PHACTR1: variants seen among roughly 807,000 people sequenced by gnomAD.
The protein encoded by PHACTR1 is phosphatase and actin regulator 1, also known as RPEL repeat containing 1.
Under a neutral mutation model 69.2 loss-of-function variants are expected in PHACTR1, and 16 were observed. The ratio of observed to expected loss-of-function variants is 0.23; its 90% CI spans 0.16 to 0.35. The LOEUF (loss-of-function observed/expected upper bound fraction) is 0.35, where lower values mean the gene tolerates loss of function less well. Among genes scored for constraint, PHACTR1 ranks in the 10% least tolerant of loss-of-function variants. The pLI is 1.00. For missense variants in PHACTR1, 510 were observed against 734.7 expected (o/e 0.69, Z 3.54); for synonymous variants, 312 against 284.5 (o/e 1.10, Z -0.97).
intron 5 of PHACTR1, among the ~76,000 whole-genome samples, chr6:13,115,505 C>T (rs1423057958): frequency 2.6e-5 from 4 of 152,070 alleles, no homozygotes; most frequent in South Asian, 2.1e-4. Flanking sequence ...TCTTACTTAG[C>T]ATTGGCCTGA....
intron 5 of PHACTR1, among the ~76,000 whole-genome samples, chr6:13,098,684 T>C (rs1814664557): frequency 6.6e-6 from 1 of 152,324 alleles, no homozygotes; most frequent in Non-Finnish European, 1.5e-5. Context: ...TCACTCAGAA[T>C]GAAAAAAGTA....
intron 4 of PHACTR1, among the ~76,000 whole-genome samples, chr6:12,873,245 G>A (rs1782230086): frequency 6.6e-6 from 1 of 152,062 alleles, no homozygotes; most frequent in South Asian, 2.1e-4. Flanking sequence ...TCGAACTCCT[G>A]GGCTCAAGTG....
At chr6:12,764,698 T>C (rs1768404549) in intron 4 of PHACTR1, among the ~76,000 whole-genome samples, 1 of 152,144 alleles carries the variant, frequency 6.6e-6, no homozygotes, top group African/African-American at 2.4e-5. Context: ...GGCTGTACAG[T>C]CAGGAGCAGA....
chr6:12,885,073 A>G (rs540498795), intron 4 of PHACTR1, among the ~76,000 whole-genome samples: 2 of 152,262 alleles, frequency 1.3e-5, no homozygotes, highest in South Asian at 4.2e-4. Context: ...ATCCCTCTTC[A>G]ACCCACTCAG....
chr6:13,277,739 G>C (rs1779223910), intron 11 of PHACTR1, among the ~76,000 whole-genome samples: 2 of 152,144 alleles, frequency 1.3e-5, no homozygotes, highest in African/African-American at 2.4e-5. Flanking sequence ...CTTGATGCCA[G>C]GAGTTCAAGA....
chr6:12,916,905 G>A (rs537231046), intron 4 of PHACTR1, among the ~76,000 whole-genome samples: 1 of 152,236 alleles, frequency 6.6e-6, no homozygotes, highest in Admixed American at 6.5e-5. Context: ...AGAATAAATT[G>A]TCAAAGTGAT....
At chr6:13,247,650 T>C (rs1469453380) in intron 10 of PHACTR1, among the ~76,000 whole-genome samples, 1 of 152,018 alleles carries the variant, frequency 6.6e-6, no homozygotes, top group African/African-American at 2.4e-5. Context: ...CCAGCCCAAG[T>C]TCCCTCTTAA....
At chr6:12,911,842 C>T (rs1035364470) in intron 4 of PHACTR1, among the ~76,000 whole-genome samples, 22 of 152,264 alleles carry the variant, frequency 1.4e-4, no homozygotes, top group African/African-American at 5.1e-4. Flanking sequence ...TCTTCTCCAC[C>T]ACCAACTGTG....
chr6:13,281,865 TA>T (rs1780331013), intron 12 of PHACTR1, among the ~76,000 whole-genome samples: 1 of 152,188 alleles, frequency 6.6e-6, no homozygotes, highest in African/African-American at 2.4e-5. Flanking sequence ...TTGTCGTGCC[TA>T]AGAAAGCCAA....
intron 4 of PHACTR1, among the ~76,000 whole-genome samples, chr6:12,831,972 G>A (rs990127770): frequency 1.3e-5 from 2 of 151,986 alleles, no homozygotes; most frequent in Non-Finnish European, 2.9e-5. Context: ...CAGGCTTGAC[G>A]GTACATCCAT....
intron 4 of PHACTR1, among the ~76,000 whole-genome samples, chr6:12,959,036 G>T (rs1445133930): frequency 2.0e-5 from 3 of 151,878 alleles, no homozygotes; most frequent in Admixed American, 6.6e-5. Flanking sequence ...AATTAGCTGG[G>T]TGTGGTGGCA....
At position 13,273,276 on chromosome 6, in the gene PHACTR1, C is replaced by T. The variant is rs570620542; in HGVS notation, c.1447+361C>T. The T allele has an allele frequency of 3.6e-5, 8 of 223,934 alleles. No individual in the cohort carries two copies. In the Admixed American group the frequency reaches 4.5e-4, roughly 12 times the overall value. 13.9% of individuals were successfully genotyped at this position (223,934 alleles called of 1,614,324 possible). ...GCTTGAAAATGGAGACTGTGATATG[C>T]ACGGCTAAAATAAGGGAAATGTCCA... is the stretch of plus-strand genomic sequence containing the variant. On this transcript the variant is annotated intron_variant, in intron 11 of 14. Transcript: ENST00000332995.
chr6:12,762,664 C>T (rs1177608195), intron 4 of PHACTR1, among the ~76,000 whole-genome samples: 1 of 152,156 alleles, frequency 6.6e-6, no homozygotes, highest in Non-Finnish European at 1.5e-5. Context: ...CCACTCTACC[C>T]TCACCTCAGA....
intron 10 of PHACTR1, among the ~76,000 whole-genome samples, chr6:13,253,894 T>C (rs1024013656): frequency 6.6e-6 from 1 of 152,164 alleles, no homozygotes. Flanking sequence ...CCCAATGCCA[T>C]TTGATAATTG....
rs146808717 is a variant in PHACTR1 at position 12,728,568 on chromosome 6, G to A, written c.103+9721G>A. 1.4e-3 allele frequency among the ~76,000 whole-genome samples: 212 copies of A among 152,088 alleles called. 1 individual carries two copies. The highest frequency in any genetic ancestry group is 3.7e-4 in the Non-Finnish European group (25 of 68,014). On this transcript the variant is annotated intron_variant, in intron 3 of 14. Transcript: ENST00000332995. ...TTCACTTCCTAGCTTGTAACTTTAG[G>A]CAAGTTATTTAATCTCTCTCTGCCT...
chr6:12,779,057 C>T lies in PHACTR1; in HGVS notation c.250+29267C>T, dbSNP rs573973103. 1.3e-4 allele frequency among the ~76,000 whole-genome samples: 20 copies of T among 152,254 alleles called. No homozygotes were observed. The South Asian group carries it at 2.3e-3, about 17-fold the overall frequency. ...TATATTAAAAAGTCAGAGAAGCGGC[C>T]GGGCACGGTGGCTCATGCCTGTAAT... On this transcript the variant is annotated intron_variant, in intron 4 of 14. Coordinates refer to ENST00000332995, the MANE Select transcript of PHACTR1 (RefSeq NM_030948.6).
intron 4 of PHACTR1, among the ~76,000 whole-genome samples, chr6:12,763,088 C>A (rs571356655): frequency 6.8e-4 from 104 of 152,266 alleles, no homozygotes; most frequent in African/African-American, 2.5e-3. Context: ...TGGCGCATGC[C>A]TGTAATCCCA....
chr6:13,099,847 TA>T (rs762099121), intron 5 of PHACTR1, among the ~76,000 whole-genome samples: 5 of 152,232 alleles, frequency 3.3e-5, no homozygotes, highest in Non-Finnish European at 5.9e-5. Context: ...GACACACATT[TA>T]AAAATTAGCA....
At chr6:12,766,970 A>G (rs936643735) in intron 4 of PHACTR1, among the ~76,000 whole-genome samples, 7 of 152,260 alleles carry the variant, frequency 4.6e-5, no homozygotes, top group Admixed American at 3.9e-4. Context: ...TTCCATCTTT[A>G]GAATACATAT....
Sources: allele counts gnomAD v4.1 joint callset (sites outside exome capture counted in the v4.1 genomes callset), GRCh38; gene constraint gnomAD v4.1.1; transcripts MANE v1.5; gene names NCBI Gene and HGNC (gene_info 2026-07-23, HGNC 2026-07-21).